The following HTT variants were observed in gnomAD, a reference collection of about 807,000 sequenced individuals.
HTT encodes huntington disease protein.
In HTT, 104 loss-of-function variants were observed where a neutral mutation model predicts 362.3. That is an observed-to-expected ratio of 0.29 (90% CI 0.24 to 0.34). The LOEUF is 0.34. HTT is among the 10% of genes least tolerant of loss of function. The pLI, the probability that HTT is intolerant of heterozygous loss-of-function variation, is 1.00. For synonymous variants in HTT, 1,577 were observed against 1,548.7 expected, an observed-to-expected ratio of 1.02 and a Z score of -0.43; for missense variants, 3,301 against 3,928.6, an observed-to-expected ratio of 0.84 and a Z score of 4.27.
chr4:3,155,954 T>C (rs185416569), intron 27 of HTT, among the ~76,000 whole-genome samples: 4 of 152,164 alleles, frequency 2.6e-5, no homozygotes, highest in African/African-American at 9.6e-5. Flanking sequence ...AATTAACCTG[T>C]GCATCACCTC....
chr4:3,136,086 T>C, intron 20 of HTT, 119 bp downstream of exon 20: 1 of 920,406 alleles, frequency 1.1e-6, no homozygotes, highest in Non-Finnish European at 1.7e-6. Flanking sequence ...TCACAGTTTA[T>C]ATCATGAAAG....
At chr4:3,233,490 T>A in intron 61 of HTT, 137 bp downstream of exon 61, 1 of 839,194 alleles carries the variant, frequency 1.2e-6, no homozygotes, top group Non-Finnish European at 1.9e-6. Flanking sequence ...GTGGGTGCCA[T>A]GGCTGAGGTC....
At chr4:3,223,727 C>G (rs1275799423) in intron 55 of HTT, among the ~76,000 whole-genome samples, 167 bp downstream of exon 55, 1 of 152,188 alleles carries the variant, frequency 6.6e-6, no homozygotes, top group Non-Finnish European at 1.5e-5. Flanking sequence ...AGGTGGCCTC[C>G]TGGTCAGTGA....
chr4:3,136,197 G>C, intron 20 of HTT, 29 bp from the exon 21 acceptor site: 2 of 1,449,004 alleles, frequency 1.4e-6, no homozygotes, highest in Admixed American at 1.8e-5. Context: ...ACAAGATTAT[G>C]TTTATTTTTA....
chr4:3,113,784 G>A (rs1324187401), intron 6 of HTT, among the ~76,000 whole-genome samples: 1 of 151,994 alleles, frequency 6.6e-6, no homozygotes, highest in Non-Finnish European at 1.5e-5. Context: ...GTAGTCCTGT[G>A]GCTCCTTGTC....
At chr4:3,190,032 A>G (rs543403620) in intron 40 of HTT, among the ~76,000 whole-genome samples, 24 of 152,040 alleles carry the variant, frequency 1.6e-4, no homozygotes, top group African/African-American at 5.8e-4. Context: ...ACAAAACAAA[A>G]CAAGACAAGA....
At chr4:3,078,285 C>T (rs182160858) in intron 1 of HTT, among the ~76,000 whole-genome samples, 35 of 152,320 alleles carry the variant, frequency 2.3e-4, no homozygotes, top group Admixed American at 7.8e-4. Context: ...GTTATAGGTG[C>T]AGGGCTCAGC....
At position 3,235,610 on chromosome 4, in the gene HTT, A is replaced by C; in HGVS notation, c.8617A>C (p.Ile2873Leu). Reference protein sequence around the residue: ...LSGSEESTPSIIYHCALRGLE... With the variant: ...LSGSEESTPSLIYHCALRGLE... ...TGGAAGTGAGGAGTCCACCCCCTCC[A>C]TCATTTACCACTGTGCCCTCAGAGG... The change falls in exon 63 of 67, where the codon ATC becomes CTC. Residue 2873 changes from isoleucine to leucine, a missense_variant. Transcript: ENST00000355072. 2 of 1,613,884 alleles carry C rather than the reference A, an allele frequency of 1.2e-6. No homozygotes were observed. The highest frequency in any genetic ancestry group is 1.3e-5 in the African/African-American group (1 of 75,040).
At chr4:3,110,071 A>G (rs192370354) in intron 6 of HTT, among the ~76,000 whole-genome samples, 95 of 152,246 alleles carry the variant, frequency 6.2e-4, no homozygotes, top group African/African-American at 1.5e-3. Flanking sequence ...GTCGTGTTCA[A>G]TCTTCTTCCA....
At chr4:3,222,950 A>G (rs1327167367) in intron 54 of HTT, among the ~76,000 whole-genome samples, 3 of 152,218 alleles carry the variant, frequency 2.0e-5, no homozygotes, top group Non-Finnish European at 4.4e-5. Flanking sequence ...CAGCGGAGCC[A>G]GCAGAATGGG....
Position 3,182,475 on chromosome 4 carries a change from G to C in HTT, c.4866+5G>C. 6.3e-7 allele frequency: 1 copy of C among 1,590,626 alleles called. No homozygotes were observed. Among genetic ancestry groups the C allele is most frequent in the Non-Finnish European group, 8.6e-7 (1 of 1,158,700 alleles). On this transcript the variant is annotated splice_donor_5th_base_variant and intron_variant, in intron 37 of 66. Transcript: ENST00000355072. ...CCAATGTTAGCCAAACAGCAGGTTT[G>C]TCCCCGCAGCCTTGGCTTGTTGTTG...
chr4:3,140,392 A>C lies in HTT; in HGVS notation c.2799-118A>C, dbSNP rs1386337561. 6.5e-6 allele frequency: 5 copies of C among 768,926 alleles called. No individual in the cohort carries two copies. In the African/African-American group the frequency reaches 8.7e-5, roughly 13 times the overall value. 47.6% of individuals were successfully genotyped at this position (768,926 alleles called of 1,614,324 possible). A position where few individuals can be genotyped will look rare whatever the true frequency, so the allele number is the denominator to read the frequency against. ...AACGCCACCTGAGAAAGGGGGCGAG[A>C]AGTGGTGTCCGCTGGTAACCAGAGG... On this transcript the variant is annotated intron_variant, in intron 21 of 66. Coordinates refer to ENST00000355072, the MANE Select transcript of HTT (RefSeq NM_001388492.1).
rs757129534 is a variant in HTT, at chr4:3,207,266, G to A, written c.6076-15G>A. 5 of 1,611,632 alleles carry A rather than the reference G, an allele frequency of 3.1e-6. No individual in the cohort carries two copies. The Admixed American group carries it at 5.0e-5, about 16-fold the overall frequency. On this transcript the variant is annotated splice_polypyrimidine_tract_variant and intron_variant, in intron 44 of 66. Coordinates refer to ENST00000355072, the MANE Select transcript of HTT (RefSeq NM_001388492.1). ...TTAGGTGTTACAAACACACTAATGT[G>A]TTTTTGTCTATTAGAGCAGCATGGC... is the stretch of plus-strand genomic sequence containing the variant.
At chr4:3,112,469 A>G (rs1352890229) in intron 6 of HTT, among the ~76,000 whole-genome samples, 1 of 152,194 alleles carries the variant, frequency 6.6e-6, no homozygotes, top group African/African-American at 2.4e-5. Flanking sequence ...GCTGGCTTCT[A>G]ATTCCAGAGT....
Position 3,187,891 on chromosome 4 carries a change from GC to G in HTT, c.5225+6del. On this transcript the variant is annotated splice_donor_region_variant and intron_variant, in intron 39 of 66. Coordinates refer to ENST00000355072, the MANE Select transcript of HTT (RefSeq NM_001388492.1). ...GCCAGAAGAAACATTTTCAAGGTAT[GC>G]TTTCTATCTGAGCCTATAACTAACC... 2 of 1,566,864 alleles carry G rather than the reference GC, an allele frequency of 1.3e-6. No individual in the cohort carries two copies. The highest frequency in any genetic ancestry group is 1.8e-6 in the Non-Finnish European group (2 of 1,138,718).
rs182338941 is a variant in HTT at position 3,176,864 on chromosome 4, G to A, written c.4408-468G>A. ...CATGCTTTATCCATGGAAGCTCCCC[G>A]TCAGGTTGGGAAAGCTGACAGCTGC... is the stretch of plus-strand genomic sequence containing the variant. On this transcript the variant is annotated intron_variant, in intron 33 of 66. Transcript: ENST00000355072. Among the ~76,000 whole-genome samples, 443 of 152,316 alleles carry A rather than the reference G, an allele frequency of 2.9e-3. 1 individual carries two copies. The highest frequency in any genetic ancestry group is 5.0e-3 in the Non-Finnish European group (338 of 68,018).
Position 3,209,959 on chromosome 4 carries a change from G to T in HTT, c.6414+10G>T. On this transcript the variant is annotated intron_variant, in intron 47 of 66. Coordinates refer to ENST00000355072, the MANE Select transcript of HTT (RefSeq NM_001388492.1). ...CTTCATGATGAACTCGGTACGGGGGGAGCAGTGGAGGCAAGGAATCCTCAG... is the reference window on the plus strand; with the variant it reads ...CTTCATGATGAACTCGGTACGGGGGTAGCAGTGGAGGCAAGGAATCCTCAG... 6.2e-7 allele frequency: 1 copy of T among 1,612,932 alleles called. No individual in the cohort carries two copies. The highest frequency in any genetic ancestry group is 8.5e-7 in the Non-Finnish European group (1 of 1,179,324).
At chr4:3,173,760 C>T (rs57057618) in intron 31 of HTT, among the ~76,000 whole-genome samples, 2 of 151,918 alleles carry the variant, frequency 1.3e-5, no homozygotes, top group Non-Finnish European at 2.9e-5. Context: ...GCTCTGCATC[C>T]TGGGTTCATG....
At chr4:3,201,677 T>C (rs1315341750) in intron 41 of HTT, among the ~76,000 whole-genome samples, 1 of 152,014 alleles carries the variant, frequency 6.6e-6, no homozygotes, top group African/African-American at 2.4e-5. Context: ...GGTGTCCCCG[T>C]GGTGGAAGGA....
Sources: allele counts gnomAD v4.1 joint callset (sites outside exome capture counted in the v4.1 genomes callset), GRCh38; gene constraint gnomAD v4.1.1; transcripts MANE v1.5; gene names NCBI Gene and HGNC (gene_info 2026-07-23, HGNC 2026-07-21).